ARID3B: variants seen among roughly 807,000 people sequenced by gnomAD.
ARID3B encodes AT-rich interactive domain-containing protein 3B.
ARID3B carries 10 observed loss-of-function variants against 51.9 expected under a neutral mutation model. That is an observed-to-expected ratio of 0.19 (90% CI 0.12 to 0.33). The LOEUF is 0.33. Among genes scored for constraint, ARID3B ranks in the 10% least tolerant of loss-of-function variants. The pLI, the probability that ARID3B is intolerant of heterozygous loss-of-function variation, is 1.00. For synonymous variants in ARID3B, 205 were observed against 279.5 expected, an observed-to-expected ratio of 0.73 and a Z score of 2.66; for missense variants, 483 against 716.3, an observed-to-expected ratio of 0.67 and a Z score of 3.72.
Position 74,596,871 on chromosome 15 carries a change from A to T in ARID3B, c.*1097A>T, listed in dbSNP as rs2061828299. ...GATCACCCCCAAAGCCAAGCAAGTG[A>T]TTGGGTAACCCGGCCCCTCTGGCCC... On this transcript the variant is annotated 3_prime_UTR_variant, in exon 9 of 9. Coordinates refer to ENST00000346246, the MANE Select transcript of ARID3B (RefSeq NM_006465.4). 1 of 233,432 alleles carries T rather than the reference A, an allele frequency of 4.3e-6. No individual in the cohort carries two copies. 14.5% of individuals were successfully genotyped at this position (233,432 alleles called of 1,614,324 possible).
Position 74,554,951 on chromosome 15 carries a change from AC to A in ARID3B, c.552+10464del, listed in dbSNP as rs377703862. Among the ~76,000 whole-genome samples the A allele has an allele frequency of 1.7e-4, 26 of 152,264 alleles. No individual in the cohort carries two copies. In the East Asian group the frequency reaches 4.6e-3, roughly 27 times the overall value. On this transcript the variant is annotated intron_variant, in intron 2 of 8. Coordinates refer to ENST00000346246, the MANE Select transcript of ARID3B (RefSeq NM_006465.4). The stretch of plus-strand genomic sequence containing the variant: ...TAGCTTTCATTATACCTAAAAAAAA[AC>A]AACAATGTACATACCTTAACTAAAA...
intron 4 of ARID3B, among the ~76,000 whole-genome samples, chr15:74,585,126 G>A (rs2061775515): frequency 6.6e-6 from 1 of 152,176 alleles, no homozygotes. Context: ...TCCCCATCAG[G>A]TGCTCACCCC....
chr15:74,593,181 G>T lies in ARID3B; in HGVS notation c.1464G>T (p.Thr488=). Residue 488 remains threonine, a synonymous_variant, in exon 8 of 9, where the codon ACG becomes ACT. Coordinates refer to ENST00000346246, the MANE Select transcript of ARID3B (RefSeq NM_006465.4). ...EASAAALNLT[T]SSIGSINMSV... The stretch of plus-strand genomic sequence containing the variant: ...CGGCTGCAGCACTGAACCTGACCAC[G>T]AGTAGCATTGGGAGCATTAACATGT... The T allele has an allele frequency of 6.2e-7, 1 of 1,613,736 alleles. No homozygotes were observed. The highest frequency in any genetic ancestry group is 8.5e-7 in the Non-Finnish European group (1 of 1,179,984).
At chr15:74,544,594 C>A in intron 2 of ARID3B, 106 bp downstream of exon 2, 1 of 1,138,424 alleles carries the variant, frequency 8.8e-7, no homozygotes, top group South Asian at 1.5e-5. Flanking sequence ...TCTCACCCCA[C>A]TTCGGTGACC....
chr15:74,557,057 G>A (rs569856077), intron 2 of ARID3B, among the ~76,000 whole-genome samples: 1 of 152,104 alleles, frequency 6.6e-6, no homozygotes, highest in East Asian at 1.9e-4. Flanking sequence ...TTACAGACGT[G>A]AGCCAGCATG....
rs193157489 is a variant in ARID3B, at chr15:74,566,577, C to T, written c.553-6285C>T. ...CAGATTACACCACTGCACTCCAGCC[C>T]GGGTGACAGAGTGAGACTCTGTCTC... is the stretch of plus-strand genomic sequence containing the variant. On this transcript the variant is annotated intron_variant, in intron 2 of 8. Transcript: ENST00000346246. 2.9e-3 allele frequency among the ~76,000 whole-genome samples: 435 copies of T among 149,234 alleles called. 5 individuals carry two copies. The highest frequency in any genetic ancestry group is 0.01 in the African/African-American group (417 of 40,454).
rs2061835721 is a variant in ARID3B, at chr15:74,598,055, CTA to C, written c.*2285_*2286del. Reference sequence around the variant, plus strand: ...TCAGATGTCCTCCTGCAGCAAGTGTCTATATGTTGTGGTTATTTTCTATCTTA... The same window carrying C: ...TCAGATGTCCTCCTGCAGCAAGTGTCTATGTTGTGGTTATTTTCTATCTTA... On this transcript the variant is annotated 3_prime_UTR_variant, in exon 9 of 9. Coordinates refer to ENST00000346246, the MANE Select transcript of ARID3B (RefSeq NM_006465.4). 1 of 527,252 alleles carries C rather than the reference CTA, an allele frequency of 1.9e-6. No homozygotes were observed. 32.7% of individuals were successfully genotyped at this position (527,252 alleles called of 1,614,324 possible).
At chr15:74,585,672 C>T (rs902083273) in intron 4 of ARID3B, among the ~76,000 whole-genome samples, 1 of 152,188 alleles carries the variant, frequency 6.6e-6, no homozygotes, top group Non-Finnish European at 1.5e-5. Context: ...TTCACATTTG[C>T]GGAAACTGAG....
At chr15:74,546,212 T>C (rs1261507780) in intron 2 of ARID3B, among the ~76,000 whole-genome samples, 6 of 151,828 alleles carry the variant, frequency 4.0e-5, no homozygotes, top group African/African-American at 1.4e-4. Flanking sequence ...CTCCCACTGA[T>C]TGCTTTGGTT....
chr15:74,544,004 T>C lies in ARID3B; in HGVS notation c.68T>C (p.Leu23Pro), dbSNP rs562735419. Residue 23 changes from leucine (L) to proline (P), a missense_variant, in exon 2 of 9, where the codon CTG (leucine) becomes CCG (proline). By Grantham distance (98) the Leu-to-Pro change is moderately conservative. Coordinates refer to ENST00000346246, the MANE Select transcript of ARID3B (RefSeq NM_006465.4). ...QQQKQPHLAP[L>P]QMDAREKQGQ... ...CAGAAGCAGCCACACCTGGCTCCTC[T>C]GCAGATGGATGCCAGAGAGAAGCAG... The C allele has an allele frequency of 4.3e-6, 7 of 1,611,052 alleles. No homozygotes were observed. The highest frequency in any genetic ancestry group is 5.9e-6 in the Non-Finnish European group (7 of 1,178,792).
intron 4 of ARID3B, among the ~76,000 whole-genome samples, chr15:74,589,280 C>A (rs746082976): frequency 1.3e-5 from 2 of 151,878 alleles, no homozygotes; most frequent in African/African-American, 4.8e-5. Flanking sequence ...CTGCCCGCTT[C>A]GGCCTCCCAA....
chr15:74,589,794 C>G (rs756845607), intron 4 of ARID3B, 26 bp from the exon 5 acceptor site: 1 of 1,589,304 alleles, frequency 6.3e-7, no homozygotes, highest in Non-Finnish European at 8.6e-7. Context: ...ATCCCGCTGT[C>G]TCTTTCTCTC....
intron 2 of ARID3B, among the ~76,000 whole-genome samples, chr15:74,570,435 A>G (rs1427866646): frequency 7.6e-6 from 1 of 131,828 alleles, no homozygotes; most frequent in Non-Finnish European, 1.6e-5. Flanking sequence ...GTGAGCATTC[A>G]GAGTGCTTGG....
Position 74,587,791 on chromosome 15 carries a change from C to T in ARID3B, c.698-2029C>T, listed in dbSNP as rs184444702. ...CAGCACTGGGAGAAGTCAACCAGCA[C>T]ATGAGCTGTGTGTCTTAGGAGTATG... On this transcript the variant is annotated intron_variant, in intron 4 of 8. Transcript: ENST00000346246. Among the ~76,000 whole-genome samples the T allele has an allele frequency of 6.6e-5, 10 of 152,332 alleles. 2 individuals carry two copies. The highest frequency in any genetic ancestry group is 6.5e-4 in the Admixed American group (10 of 15,310).
chr15:74,571,815 T>A (rs2061720079), intron 2 of ARID3B, among the ~76,000 whole-genome samples: 1 of 152,148 alleles, frequency 6.6e-6, no homozygotes, highest in Admixed American at 6.5e-5. Flanking sequence ...TAAGAGTTAC[T>A]GGACTTGGCT....
chr15:74,548,329 T>C (rs1429970411), intron 2 of ARID3B, among the ~76,000 whole-genome samples: 1 of 152,034 alleles, frequency 6.6e-6, no homozygotes, highest in Non-Finnish European at 1.5e-5. Flanking sequence ...TAGACCCCCT[T>C]CGATAGAATA....
At chr15:74,586,165 C>T (rs1489969775) in intron 4 of ARID3B, among the ~76,000 whole-genome samples, 1 of 152,230 alleles carries the variant, frequency 6.6e-6, no homozygotes, top group Non-Finnish European at 1.5e-5. Context: ...AGCTGGGCCA[C>T]ACAGCAGGGT....
At chr15:74,553,632 T>C (rs1332937195) in intron 2 of ARID3B, among the ~76,000 whole-genome samples, 1 of 152,210 alleles carries the variant, frequency 6.6e-6, no homozygotes, top group Non-Finnish European at 1.5e-5. Context: ...ACGAGCATGG[T>C]ATCAATTCTC....
chr15:74,564,847 T>C (rs1245555325), intron 2 of ARID3B, among the ~76,000 whole-genome samples: 1 of 152,000 alleles, frequency 6.6e-6, no homozygotes, highest in Admixed American at 6.6e-5. Context: ...GTGATCCACC[T>C]GCCTCAGCCT....
Sources: gnomAD v4.1 joint callset for allele counts (sites outside exome capture counted in the v4.1 genomes callset) on GRCh38, gnomAD v4.1.1 for gene constraint, MANE v1.5 for transcripts, NCBI Gene and HGNC (gene_info 2026-07-23, HGNC 2026-07-21) for gene names.